PTGER3: variants seen among roughly 807,000 people sequenced by gnomAD.
PTGER3 encodes prostaglandin E2 receptor EP3 subtype.
Under a neutral mutation model 34.7 loss-of-function variants are expected in PTGER3, and 22 were observed. The ratio of observed to expected loss-of-function variants is 0.63; its 90% CI spans 0.45 to 0.91. PTGER3 has a LOEUF of 0.91. Ranked by LOEUF, PTGER3 falls within the 40% of genes least tolerant of loss-of-function variation. The probability of loss-of-function intolerance (pLI) is 0.00; values close to 1 mark genes in which losing one functional copy is unlikely to be tolerated. For synonymous variants in PTGER3, 241 were observed against 230.1 expected, an observed-to-expected ratio of 1.05 and a Z score of -0.43; for missense variants, 468 against 519.4, an observed-to-expected ratio of 0.90 and a Z score of 0.96.
rs1365990986 is a variant in PTGER3 at position 71,047,200 on chromosome 1, C to T, written c.378G>A (p.Ser126=). 2 of 1,598,426 alleles carry T rather than the reference C, an allele frequency of 1.3e-6. No individual in the cohort carries two copies. Among genetic ancestry groups the T allele is most frequent in the East Asian group, 2.3e-5 (1 of 44,034 alleles). ...SKQRWEHIDP[S]GRLCTFFGLT... ...GCCCGAAAAAGGTGCAGAGCCGCCC[C>T]GACGGGTCGATGTGCTCCCAACGCT... Residue 126 remains serine, a synonymous_variant, in exon 1 of 4, where the codon TCG becomes TCA. Transcript: ENST00000306666.
Position 70,975,669 on chromosome 1 carries a change from A to C in PTGER3, c.1078-1281T>G, listed in dbSNP as rs116293310. ...GTTTTAGGTAGGCAGTGCTGTGTGA[A>C]GAATCATAAAATGCCATGTTTTCTT... On this transcript the variant is annotated intron_variant, in intron 2 of 3. Coordinates refer to ENST00000306666, the MANE Select transcript of PTGER3 (RefSeq NM_198719.2). Among the ~76,000 whole-genome samples the C allele has an allele frequency of 1.3e-3, 196 of 152,312 alleles. 1 individual carries two copies. The highest frequency in any genetic ancestry group is 4.6e-3 in the African/African-American group (191 of 41,556).
chr1:71,008,810 A>C (rs1657193527), intron 2 of PTGER3: 1 of 952,560 alleles, frequency 1.0e-6, no homozygotes, highest in Admixed American at 6.2e-5. Context: ...TACTTGTTAT[A>C]CAGATAAAAA....
At chr1:70,991,777 G>A (rs1655503510) in intron 2 of PTGER3, among the ~76,000 whole-genome samples, 1 of 152,120 alleles carries the variant, frequency 6.6e-6, no homozygotes, top group Non-Finnish European at 1.5e-5. Flanking sequence ...AGAGGTAATG[G>A]AAATAATTAT....
At chr1:70,967,096 A>G (rs1465961597), downstream of PTGER3, among the ~76,000 whole-genome samples, 1 of 152,092 alleles carries the variant, frequency 6.6e-6, no homozygotes, top group Non-Finnish European at 1.5e-5. Context: ...TGTTAAAAAA[A>G]ATACAGATGT....
intron 2 of PTGER3, among the ~76,000 whole-genome samples, chr1:70,963,922 C>G (rs1572780657): frequency 6.6e-6 from 1 of 152,266 alleles, no homozygotes; most frequent in Middle Eastern, 3.4e-3. Flanking sequence ...GAACATTTTG[C>G]TACCTAGAAA....
intron 2 of PTGER3, among the ~76,000 whole-genome samples, chr1:70,985,383 C>T (rs1301161998): frequency 6.6e-6 from 1 of 152,104 alleles, no homozygotes; most frequent in Non-Finnish European, 1.5e-5. Flanking sequence ...TAGAGACTGC[C>T]ATGGAGTTGC....
chr1:71,005,041 C>A (rs1186415251), intron 2 of PTGER3, among the ~76,000 whole-genome samples: 1 of 152,198 alleles, frequency 6.6e-6, no homozygotes, highest in Non-Finnish European at 1.5e-5. Flanking sequence ...TTATGTCCCC[C>A]ATAGTACATT....
intron 4 of PTGER3, among the ~76,000 whole-genome samples, chr1:70,860,366 G>A (rs117740938): frequency 6.6e-6 from 1 of 152,072 alleles, no homozygotes; most frequent in African/African-American, 2.4e-5. Context: ...GCTACTGTCT[G>A]TGTGGAGTTT....
intron 1 of PTGER3, among the ~76,000 whole-genome samples, chr1:71,039,744 C>T (rs1660142647): frequency 1.3e-5 from 2 of 151,834 alleles, no homozygotes; most frequent in Non-Finnish European, 2.9e-5. Context: ...GCATTCTCCA[C>T]CACATTTTTT....
chr1:70,940,019 T>C (rs189709808), intron 4 of PTGER3, among the ~76,000 whole-genome samples: 41 of 152,324 alleles, frequency 2.7e-4, no homozygotes, highest in African/African-American at 9.4e-4. Flanking sequence ...GCTCTGCTTC[T>C]CTTATATAAC....
rs75625742 is a variant in PTGER3, at chr1:71,041,765, T to G, written c.897+4916A>C. Among the ~76,000 whole-genome samples, 331 of 152,260 alleles carry G rather than the reference T, an allele frequency of 2.2e-3. 3 individuals carry two copies. In the Middle Eastern group the frequency reaches 0.041, roughly 19 times the overall value. On this transcript the variant is annotated intron_variant, in intron 1 of 3. Coordinates refer to ENST00000306666, the MANE Select transcript of PTGER3 (RefSeq NM_198719.2). ...GTTACAGTTGTAGATCTTAGTGTTG[T>G]GAGGCATGAATGAGATAAATGTGGA... is the stretch of plus-strand genomic sequence containing the variant.
intron 4 of PTGER3, among the ~76,000 whole-genome samples, chr1:70,855,037 G>A (rs988109130): frequency 6.6e-6 from 1 of 152,136 alleles, no homozygotes; most frequent in African/African-American, 2.4e-5. Flanking sequence ...GTTCATTACA[G>A]CATTATTCTC....
In PTGER3 at chr1:70,865,935, T is replaced by A. The variant is rs966459872; in HGVS notation, c.*24-13076A>T. 5.6e-5 allele frequency: 33 copies of A among 586,396 alleles called. No homozygotes were observed. The African/African-American group carries it at 6.2e-4, about 11-fold the overall frequency. The allele number at this position is 586,396 out of a possible 1,614,324, so 36.3% of individuals were successfully genotyped here. On this transcript the variant is annotated intron_variant, in intron 4 of 4. Transcript: ENST00000370931. ...TTGCCACACCTTTCCTGGACTGTCA[T>A]CCGGGAAATTCCTACTCATTTCTTC...
chr1:70,981,423 C>T (rs1380618368), intron 2 of PTGER3, among the ~76,000 whole-genome samples: 1 of 129,564 alleles, frequency 7.7e-6, no homozygotes, highest in African/African-American at 2.9e-5. Context: ...TTCCTTCTTT[C>T]TTTTCTTTCA....
chr1:70,938,693 C>A (rs1056975225), intron 4 of PTGER3, among the ~76,000 whole-genome samples: 9 of 152,088 alleles, frequency 5.9e-5, no homozygotes, highest in African/African-American at 2.2e-4. Flanking sequence ...GAGGAAGAAA[C>A]AAAAGTGGAA....
chr1:71,017,170 G>A (rs1657983682), intron 1 of PTGER3, among the ~76,000 whole-genome samples: 1 of 151,952 alleles, frequency 6.6e-6, no homozygotes, highest in Non-Finnish European at 1.5e-5. Context: ...TTACCTGCGT[G>A]GACCCAATGT....
intron 4 of PTGER3, among the ~76,000 whole-genome samples, chr1:70,857,626 C>T (rs1311600612): frequency 6.6e-6 from 1 of 152,028 alleles, no homozygotes; most frequent in Non-Finnish European, 1.5e-5. Context: ...AGCTCCGCCT[C>T]CCAGCTTCAC....
chr1:70,942,727 A>G (rs1054674241), intron 4 of PTGER3, among the ~76,000 whole-genome samples: 1 of 152,190 alleles, frequency 6.6e-6, no homozygotes, highest in African/African-American at 2.4e-5. Flanking sequence ...GCCTTTAAAT[A>G]AGTAATTAGG....
chr1:70,931,310 T>C (rs1417693881), intron 4 of PTGER3, among the ~76,000 whole-genome samples: 1 of 152,210 alleles, frequency 6.6e-6, no homozygotes, highest in African/African-American at 2.4e-5. Flanking sequence ...GCATTGAATG[T>C]CTGCAGCTTT....
Sources: gnomAD v4.1 joint callset for allele counts (sites outside exome capture counted in the v4.1 genomes callset) on GRCh38, gnomAD v4.1.1 for gene constraint, MANE v1.5 for transcripts, NCBI Gene and HGNC (gene_info 2026-07-23, HGNC 2026-07-21) for gene names.